SLC8A1: variants seen among roughly 807,000 people sequenced by gnomAD.
SLC8A1 encodes sodium/calcium exchanger 1.
A neutral mutation model predicts 68.3 loss-of-function variants in SLC8A1; 18 were observed. The observed-to-expected ratio is 0.26, with a 90% CI of 0.18 to 0.39. The LOEUF is 0.39. Among genes scored for constraint, SLC8A1 ranks in the 10% least tolerant of loss-of-function variants. SLC8A1 has a pLI of 1.00. For synonymous variants in SLC8A1, 475 were observed against 415.5 expected (o/e 1.14, Z -1.74); for missense variants, 985 against 1,156.7 (o/e 0.85, Z 2.15).
intron 2 of SLC8A1, chr2:40,190,837 A>G (rs1195379015): frequency 6.6e-6 from 1 of 152,154 alleles, no homozygotes; most frequent in Non-Finnish European, 1.5e-5. Context: ...CATCCCACTT[A>G]GCAGTTGCCT....
At chr2:40,273,050 C>T (rs1403405147) in intron 2 of SLC8A1, among the ~76,000 whole-genome samples, 2 of 152,312 alleles carry the variant, frequency 1.3e-5, no homozygotes, top group Admixed American at 6.5e-5. Flanking sequence ...TCAAGTGATT[C>T]TCCTGCCTCA....
chr2:40,433,703 C>A (rs1194933233), intron 1 of SLC8A1, among the ~76,000 whole-genome samples: 1 of 152,142 alleles, frequency 6.6e-6, no homozygotes, highest in Non-Finnish European at 1.5e-5. Context: ...AGACAGTAAA[C>A]TCCTCAACTA....
chr2:40,456,703 A>T (rs1419550720), upstream of SLC8A1, among the ~76,000 whole-genome samples: 1 of 152,214 alleles, frequency 6.6e-6, no homozygotes, highest in Non-Finnish European at 1.5e-5. Context: ...GATCATAGTA[A>T]TTGCTCAGCA....
intron 2 of SLC8A1, among the ~76,000 whole-genome samples, chr2:40,407,878 G>T (rs1326371659): frequency 6.6e-6 from 1 of 152,208 alleles, no homozygotes; most frequent in African/African-American, 2.4e-5. Context: ...CCAGCCTCCT[G>T]TTCAGTCTCT....
intron 6 of SLC8A1, among the ~76,000 whole-genome samples, chr2:40,160,275 T>C (rs984604722): frequency 1.3e-5 from 2 of 152,218 alleles, no homozygotes; most frequent in South Asian, 2.1e-4. Context: ...AGAAACAGAA[T>C]GTAATTCTAT....
chr2:40,237,946 G>A (rs2060632813), intron 2 of SLC8A1, among the ~76,000 whole-genome samples: 1 of 20,464 alleles, frequency 4.9e-5, no homozygotes, highest in Non-Finnish European at 1.3e-4. Flanking sequence ...CCCACTTGGG[G>A]AGGCAGTCTG....
intron 2 of SLC8A1, among the ~76,000 whole-genome samples, chr2:40,253,918 T>C (rs1452248585): frequency 9.4e-6 from 1 of 106,942 alleles, no homozygotes; most frequent in Non-Finnish European, 1.8e-5. Context: ...GGTACAAGAA[T>C]ACAGTTAGCT....
At chr2:40,333,241 A>G (rs893332205) in intron 2 of SLC8A1, among the ~76,000 whole-genome samples, 1 of 152,022 alleles carries the variant, frequency 6.6e-6, no homozygotes, top group Non-Finnish European at 1.5e-5. Context: ...GATCGAGACC[A>G]TCCTGGCTAA....
At chr2:40,292,188 C>T (rs1167516316) in intron 2 of SLC8A1, among the ~76,000 whole-genome samples, 1 of 152,122 alleles carries the variant, frequency 6.6e-6, no homozygotes, top group East Asian at 1.9e-4. Flanking sequence ...CTTTCTATGA[C>T]ATATGTGCTC....
At chr2:40,128,380 C>G (rs1009207259) in intron 7 of SLC8A1, among the ~76,000 whole-genome samples, 2 of 152,198 alleles carry the variant, frequency 1.3e-5, no homozygotes, top group Non-Finnish European at 2.9e-5. Context: ...AGATCATGCA[C>G]AGAGCCTCTT....
intron 2 of SLC8A1, among the ~76,000 whole-genome samples, chr2:40,307,162 C>CACACACACACACACAA (rs2072792460): frequency 6.6e-6 from 1 of 151,428 alleles, no homozygotes; most frequent in African/African-American, 2.4e-5. Context: ...CACACACACA[C>CACACACACACACACAA]ACACACACAA....
intron 2 of SLC8A1, among the ~76,000 whole-genome samples, chr2:40,225,398 G>A (rs1270078856): frequency 6.6e-6 from 1 of 152,144 alleles, no homozygotes; most frequent in Admixed American, 6.5e-5. Flanking sequence ...ACCCATCTAT[G>A]TGCTAGTTCT....
At chr2:40,123,083 G>C in intron 7 of SLC8A1, 1 of 152,164 alleles carries the variant, frequency 6.6e-6, no homozygotes, top group African/African-American at 2.4e-5. Flanking sequence ...TTCTCAAAAG[G>C]AAATGATAAG....
At chr2:40,260,610 A>G (rs570307170) in intron 2 of SLC8A1, among the ~76,000 whole-genome samples, 1 of 152,328 alleles carries the variant, frequency 6.6e-6, no homozygotes, top group South Asian at 2.1e-4. Flanking sequence ...AGGAGAGGTA[A>G]TAGGAATTCA....
intron 1 of SLC8A1, among the ~76,000 whole-genome samples, chr2:40,482,835 G>C (rs752270955): frequency 8.9e-5 from 13 of 146,086 alleles, no homozygotes; most frequent in African/African-American, 3.3e-4. Flanking sequence ...CTGTAGCCCA[G>C]GTTGGAGTGC....
intron 6 of SLC8A1, among the ~76,000 whole-genome samples, chr2:40,144,871 T>C (rs1029559370): frequency 2.6e-5 from 4 of 152,112 alleles, no homozygotes; most frequent in African/African-American, 7.2e-5. Flanking sequence ...AGTAAAATTA[T>C]TATAGGGAGG....
intron 1 of SLC8A1, among the ~76,000 whole-genome samples, chr2:40,474,629 C>T (rs1000198764): frequency 2.0e-5 from 3 of 152,132 alleles, no homozygotes; most frequent in African/African-American, 4.8e-5. Context: ...TATTAATGTT[C>T]CTAGTACTGT....
chr2:40,219,034 T>TCTACCTGCAACCGTTGATTGGCCTC (rs11268044), intron 2 of SLC8A1, among the ~76,000 whole-genome samples: 9 of 151,732 alleles, frequency 5.9e-5, no homozygotes, highest in Non-Finnish European at 1.2e-4. Flanking sequence ...AAATCCTATT[T>TCTACCTGCAACCGTTGATTGGCCTC]CTTGGTCTGA....
chr2:40,322,821 AACACACACACACACAC>A (rs5830620), intron 2 of SLC8A1, among the ~76,000 whole-genome samples: 1 of 147,626 alleles, frequency 6.8e-6, no homozygotes, highest in Non-Finnish European at 1.5e-5. Context: ...TTTATTGGGT[AACACACACACACACAC>A]ACACACACAC....
Sources: allele counts gnomAD v4.1 joint callset (sites outside exome capture counted in the v4.1 genomes callset), GRCh38; gene constraint gnomAD v4.1.1; transcripts MANE v1.5; gene names NCBI Gene and HGNC (gene_info 2026-07-23, HGNC 2026-07-21).